TXNL1: variants seen among roughly 807,000 people sequenced by gnomAD.
The protein encoded by TXNL1 is thioredoxin-like protein 1.
Under a neutral mutation model 35.5 loss-of-function variants are expected in TXNL1, and 14 were observed. That is an observed-to-expected ratio of 0.39 (90% CI 0.26 to 0.62). TXNL1 has a LOEUF of 0.62. Among genes scored for constraint, TXNL1 ranks in the 20% least tolerant of loss-of-function variants. The pLI is 0.47. For synonymous variants in TXNL1, 110 were observed against 115.5 expected, an observed-to-expected ratio of 0.95 and a Z score of 0.31; for missense variants, 263 against 349.7, an observed-to-expected ratio of 0.75 and a Z score of 1.98.
Position 56,600,035 on chromosome 18 carries a change from G to A in TXNL1, c.*2992C>T, listed in dbSNP as rs926400725. 6.6e-6 allele frequency: 1 copy of A among 152,146 alleles called. No homozygotes were observed. The highest frequency in any genetic ancestry group is 1.5e-5 in the Non-Finnish European group (1 of 68,028). The allele number at this position is 152,146 out of a possible 1,614,324, so 9.4% of individuals were successfully genotyped here. A position where few individuals can be genotyped will look rare whatever the true frequency, so the allele number is the denominator to read the frequency against. On this transcript the variant is annotated 3_prime_UTR_variant, in exon 8 of 8. Transcript: ENST00000217515. ...TTCATGTTTTTAAAGCTTACAAAGGGTGTAACTAATTTATTCAACTCCAAC... is the reference window on the plus strand; with the variant it reads ...TTCATGTTTTTAAAGCTTACAAAGGATGTAACTAATTTATTCAACTCCAAC...
At chr18:56,637,027 T>C (rs745440187) in intron 1 of TXNL1, among the ~76,000 whole-genome samples, 1 of 152,222 alleles carries the variant, frequency 6.6e-6, no homozygotes, top group Non-Finnish European at 1.5e-5. Context: ...ACATCACTTA[T>C]CCTTTTAAAT....
At chr18:56,633,674 T>C (rs1035803506) in intron 1 of TXNL1, among the ~76,000 whole-genome samples, 1 of 147,112 alleles carries the variant, frequency 6.8e-6, no homozygotes, top group Non-Finnish European at 1.5e-5. Context: ...ACAAAAGTGA[T>C]ACATTCATCA....
chr18:56,608,953 A>C (rs2144284729), intron 7 of TXNL1: 1 of 151,840 alleles, frequency 6.6e-6, no homozygotes, highest in Admixed American at 6.6e-5. Context: ...TCTCAAAAAA[A>C]AAAAAAAAAA....
At position 56,601,184 on chromosome 18, in the gene TXNL1, T is replaced by C. The variant is rs1038304158; in HGVS notation, c.*1843A>G. ...AGTTTGATATTTTAAATGCCAATTA[T>C]GCACATTTATAATAGTAAGATTTCC... On this transcript the variant is annotated 3_prime_UTR_variant, in exon 8 of 8. Coordinates refer to ENST00000217515, the MANE Select transcript of TXNL1 (RefSeq NM_004786.3). The C allele has an allele frequency of 1.3e-5, 2 of 152,216 alleles. No individual in the cohort carries two copies. Among genetic ancestry groups the C allele is most frequent in the Admixed American group, 1.3e-4 (2 of 15,282 alleles). 9.4% of individuals were successfully genotyped at this position (152,216 alleles called of 1,614,324 possible).
chr18:56,633,344 G>C (rs951203769), intron 1 of TXNL1, among the ~76,000 whole-genome samples: 5 of 151,628 alleles, frequency 3.3e-5, no homozygotes, highest in African/African-American at 9.7e-5. Context: ...CTACTCGGGA[G>C]GCTGAGGCAG....
At chr18:56,616,096 C>A (rs564158721) in intron 5 of TXNL1, 149 bp downstream of exon 5, 11 of 603,674 alleles carry the variant, frequency 1.8e-5, no homozygotes, top group South Asian at 1.6e-4. Context: ...TGCACCACCG[C>A]ACTCCAGCCT....
In TXNL1 at chr18:56,606,643, G is replaced by A. The variant is rs1015717163; in HGVS notation, c.841-3587C>T. Among the ~76,000 whole-genome samples the A allele has an allele frequency of 3.3e-5, 5 of 152,148 alleles. No individual in the cohort carries two copies. In the South Asian group the frequency reaches 8.3e-4, roughly 25 times the overall value. Reference sequence around the variant, plus strand: ...TATTCTCAGACTTTCCCAGTCGTTGGGGGAAAAGGAAAAGTCACCTAGCTG... The same window carrying A: ...TATTCTCAGACTTTCCCAGTCGTTGAGGGAAAAGGAAAAGTCACCTAGCTG... On this transcript the variant is annotated intron_variant, in intron 7 of 7. Transcript: ENST00000217515.
chr18:56,619,482 G>A (rs2024145647), intron 3 of TXNL1, among the ~76,000 whole-genome samples: 2 of 135,340 alleles, frequency 1.5e-5, no homozygotes, highest in Non-Finnish European at 3.1e-5. Context: ...AGGTTGCAGT[G>A]AGCCGAGATC....
At chr18:56,635,001 C>T (rs2024433737) in intron 1 of TXNL1, among the ~76,000 whole-genome samples, 1 of 152,194 alleles carries the variant, frequency 6.6e-6, no homozygotes, top group African/African-American at 2.4e-5. Flanking sequence ...GTGACTCACA[C>T]CTGTAACCCC....
At chr18:56,620,935 G>GA in intron 3 of TXNL1, among the ~76,000 whole-genome samples, 1 of 152,106 alleles carries the variant, frequency 6.6e-6, no homozygotes, top group East Asian at 1.9e-4. Context: ...GGGGAGGGAA[G>GA]AAAAAAGGGC....
chr18:56,606,750 T>C (rs1405097098), intron 7 of TXNL1, among the ~76,000 whole-genome samples: 1 of 152,230 alleles, frequency 6.6e-6, no homozygotes, highest in African/African-American at 2.4e-5. Flanking sequence ...CCTATGTTTG[T>C]CCCTATGTTA....
chr18:56,636,351 C>T (rs2024454945), intron 1 of TXNL1, among the ~76,000 whole-genome samples: 1 of 152,162 alleles, frequency 6.6e-6, no homozygotes, highest in Admixed American at 6.5e-5. Context: ...CAAGATTTTA[C>T]TGAATACAGT....
At chr18:56,617,960 A>G in intron 4 of TXNL1, 44 bp downstream of exon 4, 1 of 1,608,068 alleles carries the variant, frequency 6.2e-7, no homozygotes. Context: ...GAGCAGGCAT[A>G]AATAGTGATA....
In TXNL1 at chr18:56,633,437, ACT is replaced by A. The variant is rs1299943838; in HGVS notation, c.98+4904_98+4905del. ...ACTCCAGCCTAGGCTAGAGAGCGAGACTCTGTCTCAAAAAAAAAAAAAAAAAA... is the reference window on the plus strand; with the variant it reads ...ACTCCAGCCTAGGCTAGAGAGCGAGACTGTCTCAAAAAAAAAAAAAAAAAA... On this transcript the variant is annotated intron_variant, in intron 1 of 7. Coordinates refer to ENST00000217515, the MANE Select transcript of TXNL1 (RefSeq NM_004786.3). Among the ~76,000 whole-genome samples the A allele has an allele frequency of 5.7e-5, 6 of 104,674 alleles. No homozygotes were observed. The East Asian group carries it at 1.2e-3, about 20-fold the overall frequency. 68.7% of individuals were successfully genotyped at this position (104,674 alleles called of 152,430 possible).
At position 56,597,506 on chromosome 18, in the gene TXNL1, A is replaced by T. The variant is rs2023759491; in HGVS notation, c.*5521T>A. The T allele has an allele frequency of 6.6e-6, 1 of 152,216 alleles. No individual in the cohort carries two copies. Among genetic ancestry groups the T allele is most frequent in the Admixed American group, 6.5e-5 (1 of 15,270 alleles). 9.4% of individuals were successfully genotyped at this position (152,216 alleles called of 1,614,324 possible). A position where few individuals can be genotyped will look rare whatever the true frequency, so the allele number is the denominator to read the frequency against. On this transcript the variant is annotated 3_prime_UTR_variant, in exon 8 of 8. Coordinates refer to ENST00000217515, the MANE Select transcript of TXNL1 (RefSeq NM_004786.3). ...CAGCTAATTTCAATATCACATTTGA[A>T]GATGGTGACTGCTCCCTCTTGGATT... is the stretch of plus-strand genomic sequence containing the variant.
In TXNL1 at chr18:56,618,153, C is replaced by T. The variant is rs1044576775; in HGVS notation, c.370-27G>A. ...TGAAAAAAAATTGCAAGATTTTAGGCAACATATTTGGATTAGGTATAAAAA... is the reference window on the plus strand; with the variant it reads ...TGAAAAAAAATTGCAAGATTTTAGGTAACATATTTGGATTAGGTATAAAAA... On this transcript the variant is annotated intron_variant, in intron 3 of 7. Coordinates refer to ENST00000217515, the MANE Select transcript of TXNL1 (RefSeq NM_004786.3). 4 of 1,606,170 alleles carry T rather than the reference C, an allele frequency of 2.5e-6. No individual in the cohort carries two copies. The African/African-American group carries it at 4.0e-5, about 16-fold the overall frequency.
chr18:56,632,697 A>G lies in TXNL1; in HGVS notation c.98+5646T>C, dbSNP rs543599890. Among the ~76,000 whole-genome samples, 53 of 152,356 alleles carry G rather than the reference A, an allele frequency of 3.5e-4. 1 individual carries two copies. The highest frequency in any genetic ancestry group is 7.8e-4 in the Admixed American group (12 of 15,310). On this transcript the variant is annotated intron_variant, in intron 1 of 7. Coordinates refer to ENST00000217515, the MANE Select transcript of TXNL1 (RefSeq NM_004786.3). Reference sequence around the variant, plus strand: ...GTTCAAATACGGGCAAAACTGATCTATAGTGTTAGAATTCAAGAGTAGTGG... The same window carrying G: ...GTTCAAATACGGGCAAAACTGATCTGTAGTGTTAGAATTCAAGAGTAGTGG...
In TXNL1 at chr18:56,617,433, C is replaced by T. The variant is rs1043239782; in HGVS notation, c.492+571G>A. Among the ~76,000 whole-genome samples, 4 of 152,058 alleles carry T rather than the reference C, an allele frequency of 2.6e-5. No individual in the cohort carries two copies. The East Asian group carries it at 7.7e-4, about 29-fold the overall frequency. On this transcript the variant is annotated intron_variant, in intron 4 of 7. Coordinates refer to ENST00000217515, the MANE Select transcript of TXNL1 (RefSeq NM_004786.3). ...ACTTTATATTTTAGAAAAATAACTT[C>T]TGTTACCGTATAGAAGATGAACTGG...
Position 56,597,908 on chromosome 18 carries a change from G to C in TXNL1, c.*5119C>G, listed in dbSNP as rs982050983. On this transcript the variant is annotated 3_prime_UTR_variant, in exon 8 of 8. Transcript: ENST00000217515. ...GCTACTTCTATATTCAATTGTAAAA[G>C]TGAGAACCTTGTGAGACATCACAGA... is the stretch of plus-strand genomic sequence containing the variant. 6.6e-6 allele frequency: 1 copy of C among 152,218 alleles called. No individual in the cohort carries two copies. Among genetic ancestry groups the C allele is most frequent in the Admixed American group, 6.5e-5 (1 of 15,282 alleles). The allele number at this position is 152,218 out of a possible 1,614,324, so 9.4% of individuals were successfully genotyped here. A position where few individuals can be genotyped will look rare whatever the true frequency, so the allele number is the denominator to read the frequency against.
Sources: gnomAD v4.1 joint callset for allele counts (sites outside exome capture counted in the v4.1 genomes callset) on GRCh38, gnomAD v4.1.1 for gene constraint, MANE v1.5 for transcripts, NCBI Gene and HGNC (gene_info 2026-07-23, HGNC 2026-07-21) for gene names.